PARVB: variants seen among roughly 807,000 people sequenced by gnomAD.
PARVB encodes the protein beta-parvin.
In PARVB, 46 loss-of-function variants were observed where a neutral mutation model predicts 47.0. The observed-to-expected ratio is 0.98, with a 90% CI of 0.77 to 1.25. The LOEUF is 1.25. Ranked by LOEUF, PARVB falls within the 50% of genes most tolerant of loss-of-function variation. The probability of loss-of-function intolerance (pLI) is 0.00; values close to 1 mark genes in which losing one functional copy is unlikely to be tolerated. For synonymous variants in PARVB, 196 were observed against 196.3 expected (o/e 1.00, Z 0.01); for missense variants, 473 against 471.6 (o/e 1.00, Z -0.03).
In PARVB at chr22:44,024,351, G is replaced by A; in HGVS notation, c.12G>A (p.Ala4=). 2 of 1,114,650 alleles carry A rather than the reference G, an allele frequency of 1.8e-6. No homozygotes were observed. The highest frequency in any genetic ancestry group is 1.7e-5 in the African/African-American group (1 of 59,862). The allele number at this position is 1,114,650 out of a possible 1,614,324, so 69.0% of individuals were successfully genotyped here. A position where few individuals can be genotyped will look rare whatever the true frequency, so the allele number is the denominator to read the frequency against. ...CCCACGCGCGGCCCATGTCCTCCGC[G>A]CCGCGCTCGCCCACCCCGCGGCCCC... is the stretch of plus-strand genomic sequence containing the variant. MSS[A]PRSPTPRPRR... The change falls in exon 1 of 13, where the codon GCG becomes GCA. Residue 4 remains alanine, a synonymous_variant. Coordinates refer to ENST00000338758, the MANE Select transcript of PARVB (RefSeq NM_013327.5).
chr22:44,046,031 T>C (rs2051105916), intron 1 of PARVB, among the ~76,000 whole-genome samples: 1 of 152,262 alleles, frequency 6.6e-6, no homozygotes, highest in African/African-American at 2.4e-5. Context: ...ACACGAAGTC[T>C]GCCAGTCCAT....
intron 7 of PARVB, among the ~76,000 whole-genome samples, chr22:44,138,762 CACATGTGGCCA>C (rs1429560723): frequency 6.6e-6 from 1 of 152,180 alleles, no homozygotes; most frequent in Non-Finnish European, 1.5e-5. Flanking sequence ...AGCCTCTGGA[CACATGTGGCCA>C]ACATTGAAAT....
chr22:44,164,350 C>T (rs752148549), intron 12 of PARVB, among the ~76,000 whole-genome samples: 7 of 151,934 alleles, frequency 4.6e-5, no homozygotes, highest in Middle Eastern at 3.4e-3. Flanking sequence ...GCATGCTCTG[C>T]GTGGGTCGGA....
chr22:44,136,598 A>T (rs554172425), intron 7 of PARVB, 80 bp downstream of exon 7: 2 of 1,184,136 alleles, frequency 1.7e-6, no homozygotes, highest in African/African-American at 1.5e-5. Flanking sequence ...TCAGCCAGGG[A>T]CACCAGCGCC....
chr22:44,046,598 A>G (rs1437468087), intron 1 of PARVB, among the ~76,000 whole-genome samples: 1 of 152,214 alleles, frequency 6.6e-6, no homozygotes, highest in Non-Finnish European at 1.5e-5. Flanking sequence ...CCCGCTGACA[A>G]TCATTGAGCC....
intron 1 of PARVB, chr22:44,069,212 C>T (rs1226742360): frequency 6.6e-7 from 1 of 1,520,938 alleles, no homozygotes. Context: ...AAACCCAGGC[C>T]AGCCCTTCTT....
rs749339403 is a variant in PARVB, at chr22:43,999,394, T to G, written c.54T>G (p.Ser18Arg). Reference sequence around the variant, plus strand: ...GAGGAGAGAAAAGGGGATTCCTTAGTCCAGAGAACAAAAACTGGTGAGCTG... The same window carrying G: ...GAGGAGAGAAAAGGGGATTCCTTAGGCCAGAGAACAAAAACTGGTGAGCTG... Residue 18 changes from serine (S) to arginine (R), a missense_variant, in exon 1 of 14, where the codon AGT becomes AGG. Physicochemically the swap from Ser to Arg is moderately radical, Grantham distance 110. Coordinates refer to the PARVB transcript ENST00000406477. The G allele has an allele frequency of 3.7e-6, 6 of 1,610,502 alleles. No individual in the cohort carries two copies. The Admixed American group carries it at 8.4e-5, about 23-fold the overall frequency.
chr22:44,132,744 C>T, intron 5 of PARVB, 150 bp from the exon 6 acceptor site: 1 of 573,806 alleles, frequency 1.7e-6, no homozygotes, highest in Non-Finnish European at 3.2e-6. Flanking sequence ...CCAGGTTGCT[C>T]ATCAGCTCTC....
At chr22:44,043,751 G>A (rs997419923) in intron 1 of PARVB, among the ~76,000 whole-genome samples, 5 of 152,182 alleles carry the variant, frequency 3.3e-5, no homozygotes, top group Middle Eastern at 3.2e-3. Context: ...AAAAAATAGC[G>A]TGGTACTGAG....
exon 1 of PARVB, chr22:43,999,245 C>T (rs867043140): frequency 2.0e-5 from 20 of 990,062 alleles, no homozygotes; most frequent in Admixed American, 2.7e-5. Flanking sequence ...TCCCCATCTC[C>T]GGCAGCTCCT....
chr22:44,081,244 A>G (rs374087483), intron 1 of PARVB, among the ~76,000 whole-genome samples: 10 of 152,136 alleles, frequency 6.6e-5, no homozygotes, highest in South Asian at 6.2e-4. Context: ...CCAGAGGCCA[A>G]TGGCTTCCAG....
chr22:44,013,197 C>T (rs375184370), intron 2 of PARVB, among the ~76,000 whole-genome samples: 3 of 152,106 alleles, frequency 2.0e-5, no homozygotes, highest in Non-Finnish European at 2.9e-5. Flanking sequence ...CGTGCCTGAC[C>T]GCTTGCAGCT....
At chr22:44,075,714 G>A (rs1231355002) in intron 1 of PARVB, among the ~76,000 whole-genome samples, 3 of 152,246 alleles carry the variant, frequency 2.0e-5, no homozygotes, top group South Asian at 4.1e-4. Flanking sequence ...TTTCAGACTG[G>A]TTTTTCACTC....
chr22:44,128,139 G>A (rs2053229760), intron 4 of PARVB, among the ~76,000 whole-genome samples: 1 of 152,206 alleles, frequency 6.6e-6, no homozygotes, highest in Non-Finnish European at 1.5e-5. Context: ...TCTGCCACAT[G>A]CCAGGTTTCT....
chr22:44,054,371 C>T (rs1367541853), intron 1 of PARVB, among the ~76,000 whole-genome samples: 4 of 152,166 alleles, frequency 2.6e-5, no homozygotes, highest in Admixed American at 6.5e-5. Context: ...CGCACTACAA[C>T]GCTTGGCTAA....
At chr22:44,105,294 A>G (rs1267249819) in intron 3 of PARVB, 1 of 152,222 alleles carries the variant, frequency 6.6e-6, no homozygotes, top group African/African-American at 2.4e-5. Flanking sequence ...TTTATCTGGC[A>G]GGGCATTTCG....
At chr22:44,116,300 C>T (rs1242179405) in intron 3 of PARVB, 2 of 152,278 alleles carry the variant, frequency 1.3e-5, no homozygotes, top group African/African-American at 2.4e-5. Context: ...CATCGCATAT[C>T]GGGGCACACC....
At chr22:44,165,217 C>T (rs553305327) in intron 12 of PARVB, among the ~76,000 whole-genome samples, 29 of 152,312 alleles carry the variant, frequency 1.9e-4, no homozygotes, top group Admixed American at 1.4e-3. Flanking sequence ...AGACTGGTCT[C>T]GAACTTCTGG....
In PARVB at chr22:44,172,544, G is replaced by A. The variant is rs183260893; in HGVS notation, c.*3866G>A. The A allele has an allele frequency of 3.0e-5, 5 of 168,010 alleles. No individual in the cohort carries two copies. The highest frequency in any genetic ancestry group is 2.4e-4 in the South Asian group (2 of 8,290). 10.4% of individuals were successfully genotyped at this position (168,010 alleles called of 1,614,324 possible). ...CCCACACCAGCTAGGGGAGCCTCCC[G>A]CAGCTTCAGTTCCCCTTTGACGCCC... On this transcript the variant is annotated 3_prime_UTR_variant, in exon 13 of 13. Transcript: ENST00000338758.
Sources: gnomAD v4.1 joint callset for allele counts (sites outside exome capture counted in the v4.1 genomes callset) on GRCh38, gnomAD v4.1.1 for gene constraint, MANE v1.5 for transcripts, NCBI Gene and HGNC (gene_info 2026-07-23, HGNC 2026-07-21) for gene names.